GLT8D2: variants seen among roughly 807,000 people sequenced by gnomAD.
GLT8D2 encodes glycosyltransferase 8 domain-containing protein 2.
A neutral mutation model predicts 44.5 loss-of-function variants in GLT8D2; 45 were observed. That is an observed-to-expected ratio of 1.01 (90% CI 0.80 to 1.30). The LOEUF is 1.30. GLT8D2 is among the 50% of genes most tolerant of loss of function. The pLI is 0.00. For synonymous variants in GLT8D2, 156 were observed against 157.2 expected (o/e 0.99, Z 0.06); for missense variants, 400 against 430.4 (o/e 0.93, Z 0.62).
At chr12:104,014,375 T>A in intron 4 of GLT8D2, 1 of 662,266 alleles carries the variant, frequency 1.5e-6, no homozygotes, top group Non-Finnish European at 2.7e-6. Flanking sequence ...GTAAATTAAT[T>A]AAAAATGTAA....
chr12:104,012,317 A>G (rs1875969657), intron 4 of GLT8D2, among the ~76,000 whole-genome samples: 1 of 151,934 alleles, frequency 6.6e-6, no homozygotes, highest in African/African-American at 2.4e-5. Context: ...TTCCATGCCA[A>G]TGCTACATTC....
Position 103,999,428 on chromosome 12 carries a change from G to T in GLT8D2, c.371C>A (p.Pro124Gln). 6.2e-7 allele frequency: 1 copy of T among 1,612,034 alleles called. No homozygotes were observed. Among genetic ancestry groups the T allele is most frequent in the Non-Finnish European group, 8.5e-7 (1 of 1,178,146 alleles). ...GAGCAATTCAGGCCTCGATGAGTCT[G>T]GTCTGATCTTCCCTTTGAGGACCAT... Reference protein sequence around the residue: ...NPMVLKGKIRPDSSRPELLQP... With the variant: ...NPMVLKGKIRQDSSRPELLQP... Residue 124 changes from proline to glutamine, a missense_variant, in exon 6 of 11, where the codon CCA (proline) becomes CAA (glutamine). Physicochemically the swap from Pro to Gln is moderately conservative, Grantham distance 76. Transcript: ENST00000360814.
intron 1 of GLT8D2, among the ~76,000 whole-genome samples, chr12:104,045,958 T>TAAGAAAGAAAGA (rs141480385): frequency 0.052 from 6,837 of 132,498 alleles, 195 homozygotes; most frequent in East Asian, 0.14. Context: ...AGAAAGAAAA[T>TAAGAAAGAAAGA]AAGAAAGAAA....
intron 1 of GLT8D2, among the ~76,000 whole-genome samples, chr12:104,045,957 A>AGAAG (rs1566213383): frequency 1.0e-4 from 12 of 119,278 alleles, no homozygotes; most frequent in African/African-American, 3.9e-4. Context: ...AAGAAAGAAA[A>AGAAG]TAAGAAAGAA....
chr12:104,039,770 A>G (rs553461078), intron 1 of GLT8D2, among the ~76,000 whole-genome samples: 1 of 152,334 alleles, frequency 6.6e-6, no homozygotes, highest in South Asian at 2.1e-4. Flanking sequence ...TAGAAATACC[A>G]TTTGACCCAG....
At chr12:103,995,120 G>A (rs1873247658) in intron 8 of GLT8D2, among the ~76,000 whole-genome samples, 1 of 152,190 alleles carries the variant, frequency 6.6e-6, no homozygotes, top group Non-Finnish European at 1.5e-5. Flanking sequence ...CTACCTTCCT[G>A]TTCAGGCCAT....
intron 5 of GLT8D2, among the ~76,000 whole-genome samples, chr12:104,002,683 C>T (rs1391569862): frequency 1.3e-5 from 2 of 152,126 alleles, no homozygotes; most frequent in African/African-American, 2.4e-5. Flanking sequence ...GTGGCTCACA[C>T]CTGTAATCCC....
chr12:103,994,767 A>AAG (rs999929116), intron 8 of GLT8D2, among the ~76,000 whole-genome samples: 87 of 152,180 alleles, frequency 5.7e-4, no homozygotes, highest in African/African-American at 2.0e-3. Flanking sequence ...CATGGCTCTA[A>AAG]ATACCACCCA....
chr12:103,989,633 T>G, intron 10 of GLT8D2, 56 bp from the exon 11 acceptor site: 1 of 1,414,392 alleles, frequency 7.1e-7, no homozygotes. Flanking sequence ...CATTTTTGTA[T>G]TATAAATTGA....
intron 1 of GLT8D2, among the ~76,000 whole-genome samples, chr12:104,061,044 C>G (rs958321042): frequency 1.3e-5 from 2 of 152,166 alleles, no homozygotes; most frequent in Admixed American, 1.3e-4. Context: ...TGACAGCTGC[C>G]ACCAGAAGCT....
Position 104,012,186 on chromosome 12 carries a change from AAAAAT to A in GLT8D2, c.112+2822_112+2826del, listed in dbSNP as rs1470419357. Among the ~76,000 whole-genome samples, 718 of 85,472 alleles carry A rather than the reference AAAAAT, an allele frequency of 8.4e-3. 3 individuals carry two copies. Among genetic ancestry groups the A allele is most frequent in the African/African-American group, 0.021 (479 of 22,610 alleles). The allele number at this position is 85,472 out of a possible 152,430, so 56.1% of individuals were successfully genotyped here. On this transcript the variant is annotated intron_variant, in intron 4 of 10. Coordinates refer to ENST00000360814, the MANE Select transcript of GLT8D2 (RefSeq NM_001384711.1). ...ACTCTGTCTCAAAAAAAAAAAAAAA[AAAAAT>A]ATATATATATATATATATATACCTT...
chr12:104,006,916 A>G (rs977669082), intron 4 of GLT8D2, among the ~76,000 whole-genome samples: 95 of 152,074 alleles, frequency 6.2e-4, no homozygotes, highest in African/African-American at 2.2e-3. Context: ...ACAGTCCTCA[A>G]CTCTTCCCTG....
At chr12:104,021,883 A>G (rs1204272161) in intron 1 of GLT8D2, among the ~76,000 whole-genome samples, 10 of 6,400 alleles carry the variant, frequency 1.6e-3, no homozygotes, top group Non-Finnish European at 8.8e-4. Context: ...GAAGAAGAAG[A>G]AGAAGAAGAA....
upstream of GLT8D2, among the ~76,000 whole-genome samples, chr12:104,053,284 T>C (rs73177966): frequency 0.023 from 3,476 of 152,336 alleles, 70 homozygotes; most frequent in Middle Eastern, 0.058. Flanking sequence ...TTCTTTCTCC[T>C]TTATTCCTGC....
Position 104,060,928 on chromosome 12 carries a change from G to GA in GLT8D2, c.-423+3020dup, listed in dbSNP as rs965067759. The stretch of plus-strand genomic sequence containing the variant: ...ACAGAGCCAGACCTTGTCTCAAAAA[G>GA]AAAAAAAAAAAAGAAGAGACAGACA... On this transcript the variant is annotated intron_variant, in intron 1 of 10. Coordinates refer to the GLT8D2 transcript ENST00000548660. 3.2e-3 allele frequency among the ~76,000 whole-genome samples: 438 copies of GA among 135,786 alleles called. 1 individual carries two copies. Among genetic ancestry groups the GA allele is most frequent in the Admixed American group, 0.022 (296 of 13,646 alleles). 89.1% of individuals were successfully genotyped at this position (135,786 alleles called of 152,430 possible).
chr12:104,060,795 C>T (rs1882580365), intron 1 of GLT8D2, among the ~76,000 whole-genome samples: 2 of 152,082 alleles, frequency 1.3e-5, no homozygotes, highest in Non-Finnish European at 1.5e-5. Context: ...TGGTAGTGCA[C>T]ACCTATAATC....
chr12:103,992,694 G>T (rs961775322), intron 10 of GLT8D2, among the ~76,000 whole-genome samples: 1 of 151,978 alleles, frequency 6.6e-6, no homozygotes, highest in Non-Finnish European at 1.5e-5. Flanking sequence ...GTTTCACCAC[G>T]TTGGTCAGGT....
At chr12:104,038,900 A>C (rs988475206) in intron 1 of GLT8D2, among the ~76,000 whole-genome samples, 30 of 152,208 alleles carry the variant, frequency 2.0e-4, no homozygotes, top group Middle Eastern at 3.4e-3. Flanking sequence ...AACTATACTA[A>C]AAGGCTACAG....
intron 4 of GLT8D2, chr12:104,014,477 G>GGA: frequency 1.8e-6 from 1 of 570,970 alleles, no homozygotes; most frequent in Non-Finnish European, 3.1e-6. Context: ...CCCCGAGGAG[G>GGA]GAAACATGGT....
Sources: allele counts gnomAD v4.1 joint callset (sites outside exome capture counted in the v4.1 genomes callset), GRCh38; gene constraint gnomAD v4.1.1; transcripts MANE v1.5; gene names NCBI Gene and HGNC (gene_info 2026-07-23, HGNC 2026-07-21).